HNRNPA1: variants seen among roughly 807,000 people sequenced by gnomAD.
The protein encoded by HNRNPA1 is heterogeneous nuclear ribonucleoprotein A1.
Under a neutral mutation model 44.4 loss-of-function variants are expected in HNRNPA1, and 7 were observed. The observed-to-expected ratio is 0.16, with a 90% CI of 0.09 to 0.30. HNRNPA1 has a LOEUF of 0.30. HNRNPA1 is among the 10% of genes least tolerant of loss of function. HNRNPA1 has a pLI of 1.00. For synonymous variants in HNRNPA1, 169 were observed against 160.6 expected (o/e 1.05, Z -0.40); for missense variants, 193 against 465.8 (o/e 0.41, Z 5.39).
rs532779820 is a variant in HNRNPA1 at position 54,281,749 on chromosome 12, C to G, written c.133-46C>G. The G allele has an allele frequency of 2.5e-5, 39 of 1,574,172 alleles. No individual in the cohort carries two copies. The South Asian group carries it at 4.5e-4, about 18-fold the overall frequency. On this transcript the variant is annotated intron_variant, in intron 2 of 10. Coordinates refer to ENST00000340913, the MANE Select transcript of HNRNPA1 (RefSeq NM_031157.4). The stretch of plus-strand genomic sequence containing the variant: ...CTATTCAAAGTTAAAATGACAAAAG[C>G]TTTTGCGGTCAGACTTTGTGTTACA...
rs747385888 is a variant in HNRNPA1 at position 54,282,687 on chromosome 12, G to C, written c.676+22G>C. On this transcript the variant is annotated intron_variant, in intron 6 of 10. Transcript: ENST00000340913. ...CGTGGTATGTATGGTTTATCTACATGTAGTTCTGACTTCTCACCATCTTTG... is the reference window on the plus strand; with the variant it reads ...CGTGGTATGTATGGTTTATCTACATCTAGTTCTGACTTCTCACCATCTTTG... 1.9e-6 allele frequency: 3 copies of C among 1,603,900 alleles called. No individual in the cohort carries two copies. In the Admixed American group the frequency reaches 5.0e-5, roughly 27 times the overall value.
intron 2 of HNRNPA1, 72 bp from the exon 3 acceptor site, chr12:54,281,723 C>T: frequency 1.4e-6 from 2 of 1,469,004 alleles, no homozygotes; most frequent in South Asian, 1.2e-5. Context: ...TTCCTATTGC[C>T]CTATTCAAAG....
intron 10 of HNRNPA1, 43 bp downstream of exon 10, chr12:54,284,360 T>C (rs756191880): frequency 6.5e-7 from 1 of 1,535,416 alleles, no homozygotes; most frequent in East Asian, 2.2e-5. Flanking sequence ...TTTTTTAAAT[T>C]GCTGATGAAC....
At position 54,285,233 on chromosome 12, in the gene HNRNPA1, TTAA is replaced by T. The variant is rs1156662675; in HGVS notation, c.*691_*693del. The T allele has an allele frequency of 6.5e-6, 1 of 152,762 alleles. No individual in the cohort carries two copies. The highest frequency in any genetic ancestry group is 1.5e-5 in the Non-Finnish European group (1 of 68,216). 9.5% of individuals were successfully genotyped at this position (152,762 alleles called of 1,614,324 possible). On this transcript the variant is annotated 3_prime_UTR_variant, in exon 11 of 11. Coordinates refer to ENST00000340913, the MANE Select transcript of HNRNPA1 (RefSeq NM_031157.4). Reference sequence around the variant, plus strand: ...TTATCATGTGTAATCAATAAACGATTTAATTCTCTTGAATGAAATGACAACTGT... The same window carrying T: ...TTATCATGTGTAATCAATAAACGATTTTCTCTTGAATGAAATGACAACTGT...
At chr12:54,281,702 T>A in intron 2 of HNRNPA1, 93 bp from the exon 3 acceptor site, 1 of 1,317,114 alleles carries the variant, frequency 7.6e-7, no homozygotes, top group Non-Finnish European at 1.0e-6. Context: ...TATAAAAGGC[T>A]GGTGTAAAGT....
chr12:54,285,516 G>C lies in HNRNPA1; in HGVS notation c.*972G>C, dbSNP rs1405338769. ...GAAAACTGCAGTTTGACTGGGTTCT[G>C]GTTGGGTGGGCCTTCAGAGGTTCTA... is the stretch of plus-strand genomic sequence containing the variant. On this transcript the variant is annotated 3_prime_UTR_variant, in exon 11 of 11. Coordinates refer to ENST00000340913, the MANE Select transcript of HNRNPA1 (RefSeq NM_031157.4). 6.6e-6 allele frequency: 1 copy of C among 152,182 alleles called. No individual in the cohort carries two copies. The highest frequency in any genetic ancestry group is 2.4e-5 in the African/African-American group (1 of 41,424). The allele number at this position is 152,182 out of a possible 1,614,324, so 9.4% of individuals were successfully genotyped here. A position where few individuals can be genotyped will look rare whatever the true frequency, so the allele number is the denominator to read the frequency against.
rs770056427 is a variant in HNRNPA1 at position 54,282,079 on chromosome 12, TCTC to T, written c.280-8_280-6del. On this transcript the variant is annotated splice_region_variant and splice_polypyrimidine_tract_variant and intron_variant, in intron 3 of 10. Coordinates refer to ENST00000340913, the MANE Select transcript of HNRNPA1 (RefSeq NM_031157.4). ...TTTGCTAATCTAAACCTATGGTTTT[TCTC>T]CTATTAGGATTCTCAAAGACCAGGT... 4 of 1,611,148 alleles carry T rather than the reference TCTC, an allele frequency of 2.5e-6. No individual in the cohort carries two copies. Among genetic ancestry groups the T allele is most frequent in the East Asian group, 4.5e-5 (2 of 44,876 alleles).
chr12:54,280,920 C>A, intron 1 of HNRNPA1, 98 bp downstream of exon 1: 1 of 1,363,984 alleles, frequency 7.3e-7, no homozygotes, highest in Non-Finnish European at 1.0e-6. Flanking sequence ...GCCCATTCTA[C>A]AGTTCCTTCG....
intron 1 of HNRNPA1, chr12:54,281,042 T>C (rs1302443104): frequency 2.8e-6 from 2 of 709,812 alleles, no homozygotes; most frequent in Admixed American, 4.0e-5. Flanking sequence ...TCGTTACTCG[T>C]AGCAAAATTC....
At position 54,284,295 on chromosome 12, in the gene HNRNPA1, C is replaced by G. The variant is rs760229094; in HGVS notation, c.1101C>G (p.Gly367=). Residue 367 remains glycine, a synonymous_variant, in exon 10 of 11, where the codon GGC becomes GGG. Coordinates refer to ENST00000340913, the MANE Select transcript of HNRNPA1 (RefSeq NM_031157.4). ...GTTCCAGCAGCAGCAGTAGCTATGG[C>G]AGTGGCAGAAGATTTTAATTAGGTA... ...YGGSSSSSSY[G]SGRRF is the part of the protein sequence containing the mutation. The G allele has an allele frequency of 6.2e-7, 1 of 1,613,784 alleles. No individual in the cohort carries two copies. Among genetic ancestry groups the G allele is most frequent in the African/African-American group, 1.3e-5 (1 of 74,920 alleles).
In HNRNPA1 at chr12:54,282,788, T is replaced by A; in HGVS notation, c.677-12T>A. 6.4e-7 allele frequency: 1 copy of A among 1,555,870 alleles called. No homozygotes were observed. The highest frequency in any genetic ancestry group is 1.2e-5 in the South Asian group (1 of 84,588). ...CCAAGTCATACTTAAAACTTGAAAC[T>A]TTTTCTTACAGGTGGCTTTGGTGGC... On this transcript the variant is annotated splice_polypyrimidine_tract_variant and intron_variant, in intron 6 of 10. Transcript: ENST00000340913.
Position 54,282,092 on chromosome 12 carries a change from T to G in HNRNPA1, c.282T>G (p.Asp94Glu). 6.2e-7 allele frequency: 1 copy of G among 1,611,598 alleles called. No individual in the cohort carries two copies. The change falls in exon 4 of 11, where the codon GAT (aspartate) becomes GAG (glutamate). Residue 94 changes from aspartate (D) to glutamate (E), a missense_variant and splice_region_variant. Transcript: ENST00000340913. ...VEPKRAVSRE[D>E]SQRPGAHLTV... ...ACCTATGGTTTTTCTCCTATTAGGA[T>G]TCTCAAAGACCAGGTGCCCACTTAA...
rs1049425287 is a variant in HNRNPA1 at position 54,284,921 on chromosome 12, T to A, written c.*377T>A. 2 of 247,076 alleles carry A rather than the reference T, an allele frequency of 8.1e-6. No homozygotes were observed. The highest frequency in any genetic ancestry group is 4.6e-5 in the African/African-American group (2 of 43,622). 15.3% of individuals were successfully genotyped at this position (247,076 alleles called of 1,614,324 possible). ...TTAGTCTACTCTTAAGCCATCTTGG[T>A]AAATTTCCCCAACAGTGTGAAGTTA... On this transcript the variant is annotated 3_prime_UTR_variant, in exon 11 of 11. Transcript: ENST00000340913.
rs1050503965 is a variant in HNRNPA1 at position 54,280,757 on chromosome 12, C to T, written c.-51C>T. 2.5e-6 allele frequency: 4 copies of T among 1,611,706 alleles called. No individual in the cohort carries two copies. Among genetic ancestry groups the T allele is most frequent in the Non-Finnish European group, 2.5e-6 (3 of 1,177,992 alleles). On this transcript the variant is annotated 5_prime_UTR_variant, in exon 1 of 11. Coordinates refer to ENST00000340913, the MANE Select transcript of HNRNPA1 (RefSeq NM_031157.4). ...GTTCGTCAGCTTGCTCCTTTCTGCCCGTGGACGCCGCCGAAGAAGCATCGT... is the reference window on the plus strand; with the variant it reads ...GTTCGTCAGCTTGCTCCTTTCTGCCTGTGGACGCCGCCGAAGAAGCATCGT...
In HNRNPA1 at chr12:54,281,670, A is replaced by C. The variant is rs934810922; in HGVS notation, c.133-125A>C. On this transcript the variant is annotated intron_variant, in intron 2 of 10. Coordinates refer to ENST00000340913, the MANE Select transcript of HNRNPA1 (RefSeq NM_031157.4). ...AAAAGCTACCTCTTAAATCTAGGGT[A>C]GTGGGAAACTGGACGACTTTTTATA... 1.8e-5 allele frequency: 19 copies of C among 1,078,684 alleles called. No homozygotes were observed. The African/African-American group carries it at 3.1e-4, about 17-fold the overall frequency. 66.8% of individuals were successfully genotyped at this position (1,078,684 alleles called of 1,614,324 possible).
At chr12:54,284,118 C>T in intron 9 of HNRNPA1, 140 bp from the exon 10 acceptor site, 2 of 1,265,276 alleles carry the variant, frequency 1.6e-6, no homozygotes, top group East Asian at 4.9e-5. Flanking sequence ...TTAGAAAAAT[C>T]ATGGGACCTC....
intron 8 of HNRNPA1, 136 bp downstream of exon 8, chr12:54,283,370 C>T (rs946570296): frequency 8.2e-6 from 8 of 976,632 alleles, no homozygotes; most frequent in East Asian, 7.9e-5. Context: ...ATGCTACCTC[C>T]TCCTAGCTTT....
Position 54,283,886 on chromosome 12 carries a change from A to G in HNRNPA1, c.982A>G (p.Met328Val). Residue 328 changes from methionine (M) to valine (V), a missense_variant, in exon 9 of 11, where the codon ATG becomes GTG. This residue lies in a region of HNRNPA1 where 136 missense variants were observed against 234.4 expected (regional missense o/e 0.58). Transcript: ENST00000340913. ...YNNQSSNFGP[M>V]KGGNFGGRSS... ...CAATCAGTCTTCAAATTTTGGACCC[A>G]TGAAGGGAGGAAATTTTGGAGGCAG... 6.2e-7 allele frequency: 1 copy of G among 1,612,926 alleles called. No homozygotes were observed. The highest frequency in any genetic ancestry group is 8.5e-7 in the Non-Finnish European group (1 of 1,180,042).
chr12:54,282,922 C>G, intron 7 of HNRNPA1, 48 bp downstream of exon 7: 5 of 1,511,576 alleles, frequency 3.3e-6, no homozygotes, highest in Middle Eastern at 2.3e-4. Flanking sequence ...CAACCTGGAT[C>G]TTTAGAATAG....
Sources: allele counts gnomAD v4.1 joint callset, GRCh38; gene constraint gnomAD v4.1.1; regional missense constraint gnomAD v4.1.1; transcripts MANE v1.5; gene names NCBI Gene and HGNC (gene_info 2026-07-23, HGNC 2026-07-21).